The following TEX9 variants were observed in gnomAD, a reference collection of about 807,000 sequenced individuals.
TEX9 encodes testis expressed 9, also known as testis-expressed protein 9.
TEX9 carries 74 observed loss-of-function variants against 59.6 expected under a neutral mutation model. That is an observed-to-expected ratio of 1.24 (90% CI 1.03 to 1.51). The LOEUF (loss-of-function observed/expected upper bound fraction) is 1.51, where lower values mean the gene tolerates loss of function less well. TEX9 is among the 40% of genes most tolerant of loss of function. The pLI is 0.00. For synonymous variants in TEX9, 186 were observed against 152.2 expected (o/e 1.22, Z -1.64); for missense variants, 522 against 447.8 (o/e 1.17, Z -1.49).
intron 10 of TEX9, among the ~76,000 whole-genome samples, chr15:56,422,602 A>G (rs947802693): frequency 5.3e-5 from 8 of 151,878 alleles, no homozygotes; most frequent in African/African-American, 1.7e-4. Context: ...CCTTTCTGCT[A>G]TTGTCATATG....
chr15:56,407,685 C>T (rs1306508365), intron 9 of TEX9, among the ~76,000 whole-genome samples: 2 of 152,070 alleles, frequency 1.3e-5, no homozygotes, highest in African/African-American at 4.8e-5. Context: ...AAGTCAATTC[C>T]CTCTCCCACT....
At chr15:56,246,464 C>A (rs1270031728) in intron 1 of TEX9, among the ~76,000 whole-genome samples, 3 of 152,112 alleles carry the variant, frequency 2.0e-5, no homozygotes, top group South Asian at 2.1e-4. Flanking sequence ...TGAATAAAAT[C>A]ATGACATTAA....
intron 1 of TEX9, among the ~76,000 whole-genome samples, chr15:56,329,649 A>G (rs1341876635): frequency 6.6e-6 from 1 of 152,204 alleles, no homozygotes; most frequent in African/African-American, 2.4e-5. Flanking sequence ...CAATTGACAT[A>G]CTGAAGAATG....
intron 2 of TEX9, among the ~76,000 whole-genome samples, chr15:56,369,490 T>C (rs1414147397): frequency 2.0e-5 from 3 of 151,964 alleles, no homozygotes; most frequent in Non-Finnish European, 4.4e-5. Flanking sequence ...CTAACATGCC[T>C]GGCTAATTTT....
chr15:56,353,146 T>C (rs778578344), intron 1 of TEX9, among the ~76,000 whole-genome samples: 1 of 152,154 alleles, frequency 6.6e-6, no homozygotes, highest in African/African-American at 2.4e-5. Context: ...AGGATGTCAA[T>C]ACCATGACCA....
intron 4 of TEX9, among the ~76,000 whole-genome samples, chr15:56,385,765 G>A (rs72742619): frequency 0.07 from 10,593 of 152,038 alleles, 464 homozygotes; most frequent in Non-Finnish European, 0.1. Flanking sequence ...TGGGTACCCC[G>A]CCTTCCAGTA....
At chr15:56,274,401 G>T (rs767797196) in intron 1 of TEX9, 3 of 152,082 alleles carry the variant, frequency 2.0e-5, no homozygotes, top group African/African-American at 7.2e-5. Context: ...CATATTAATT[G>T]TAGTTATTTT....
upstream of TEX9, among the ~76,000 whole-genome samples, chr15:56,361,589 T>A (rs567304079): frequency 6.6e-6 from 1 of 152,282 alleles, no homozygotes; most frequent in South Asian, 2.1e-4. Context: ...GGTTATAGGT[T>A]AAAGTGTGCC....
In TEX9 at chr15:56,337,584, A is replaced by C. The variant is rs1264913489; in HGVS notation, c.-106-35857A>C. On this transcript the variant is annotated intron_variant, in intron 1 of 5. Coordinates refer to the TEX9 transcript ENST00000560827. ...AAAATGTTGTAAATGACTAAAAGGC[A>C]CCAGGGAAGACCCCTTCCTTCTTAC... Among the ~76,000 whole-genome samples, 3 of 152,188 alleles carry C rather than the reference A, an allele frequency of 2.0e-5. No individual in the cohort carries two copies. In the East Asian group the frequency reaches 5.8e-4, roughly 29 times the overall value.
intron 12 of TEX9, chr15:56,429,347 C>T: frequency 1.8e-6 from 1 of 566,914 alleles, no homozygotes; most frequent in Admixed American, 3.9e-5. Flanking sequence ...CAATACTTTT[C>T]AAAAAATAAG....
chr15:56,421,712 C>T (rs1228884955), intron 10 of TEX9: 3 of 151,546 alleles, frequency 2.0e-5, no homozygotes, highest in Admixed American at 6.6e-5. Flanking sequence ...TGAGAATATG[C>T]GGTGTTTGGT....
chr15:56,415,047 G>T lies in TEX9; in HGVS notation c.963+2611G>T, dbSNP rs546762178. On this transcript the variant is annotated intron_variant, in intron 10 of 12. Transcript: ENST00000352903. Reference sequence around the variant, plus strand: ...CCACATGTATGACTTCTTTTGAGACGTGTCTGTTCTTGTTCTTTCCCCACC... The same window carrying T: ...CCACATGTATGACTTCTTTTGAGACTTGTCTGTTCTTGTTCTTTCCCCACC... 2.0e-5 allele frequency among the ~76,000 whole-genome samples: 3 copies of T among 151,706 alleles called. 1 individual carries two copies. The highest frequency in any genetic ancestry group is 7.3e-5 in the African/African-American group (3 of 41,044).
At chr15:56,457,557 T>G in the TEX9 span, among the ~76,000 whole-genome samples, 6 of 152,146 alleles carry the variant, frequency 3.9e-5, no homozygotes, top group African/African-American at 1.4e-4. Flanking sequence ...GCGCTGTGGC[T>G]TACACGTGTA....
chr15:56,284,896 G>T (rs2044912137), intron 1 of TEX9, among the ~76,000 whole-genome samples: 1 of 152,138 alleles, frequency 6.6e-6, no homozygotes, highest in Non-Finnish European at 1.5e-5. Context: ...ACTGTGGCAA[G>T]AGAGTATTCT....
intron 1 of TEX9, among the ~76,000 whole-genome samples, chr15:56,279,114 GA>G (rs1383657692): frequency 6.6e-6 from 1 of 151,924 alleles, no homozygotes; most frequent in African/African-American, 2.4e-5. Context: ...ACTTTAACGG[GA>G]AAAAAGCATG....
intron 1 of TEX9, among the ~76,000 whole-genome samples, chr15:56,321,221 T>G (rs533806259): frequency 6.6e-6 from 1 of 152,156 alleles, no homozygotes; most frequent in Non-Finnish European, 1.5e-5. Context: ...GCTGGAAGTT[T>G]GACTTTGACA....
intron 9 of TEX9, among the ~76,000 whole-genome samples, chr15:56,410,591 T>G (rs2049298950): frequency 6.6e-6 from 1 of 152,156 alleles, no homozygotes; most frequent in African/African-American, 2.4e-5. Context: ...TTTACTCATA[T>G]AGAAAACTTT....
chr15:56,341,202 C>CT (rs150965098), intron 1 of TEX9, among the ~76,000 whole-genome samples: 6,686 of 151,952 alleles, frequency 0.044, 220 homozygotes, highest in Admixed American at 0.086. Context: ...CACATTTAGC[C>CT]TTTTTTTTCC....
intron 10 of TEX9, among the ~76,000 whole-genome samples, chr15:56,413,312 TTTA>T (rs1354725416): frequency 9.0e-5 from 12 of 133,768 alleles, no homozygotes; most frequent in South Asian, 2.3e-4. Context: ...AATTTAATAA[TTTA>T]TTATTTAATA....
Sources: allele counts gnomAD v4.1 joint callset (sites outside exome capture counted in the v4.1 genomes callset), GRCh38; gene constraint gnomAD v4.1.1; transcripts MANE v1.5; gene names NCBI Gene and HGNC (gene_info 2026-07-23, HGNC 2026-07-21).